Variants in DMD observed in about 807,000 individuals in gnomAD.
DMD encodes dystrophin, also known as mutant dystrophin.
In DMD, 63 loss-of-function variants were observed where a neutral mutation model predicts 330.1. The observed-to-expected ratio is 0.19, with a 90% CI of 0.16 to 0.24. The LOEUF is 0.24. Ranked by LOEUF, DMD falls within the 10% of genes least tolerant of loss-of-function variation. DMD has a pLI of 1.00. For synonymous variants in DMD, 1,223 were observed against 959.8 expected (o/e 1.27, Z -5.07); for missense variants, 3,344 against 2,684.1 (o/e 1.25, Z -5.43).
At chrX:33,298,745 A>G (rs185407309) in intron 1 of DMD, among the ~76,000 whole-genome samples, 1 of 112,016 alleles carries the variant, frequency 8.9e-6, no homozygotes, top group East Asian at 2.8e-4. Context: ...CAGGAAGATA[A>G]AGCAGCCAAC....
chrX:32,084,671 G>A (rs1239637184), intron 44 of DMD, among the ~76,000 whole-genome samples: 1 of 111,592 alleles, frequency 9.0e-6, no homozygotes, highest in Non-Finnish European at 1.9e-5. Context: ...TTCCACATAA[G>A]CATTGGATAC....
chrX:32,853,041 T>G (rs1299199465), intron 2 of DMD, among the ~76,000 whole-genome samples: 1 of 111,996 alleles, frequency 8.9e-6, no homozygotes, highest in African/African-American at 3.2e-5. Context: ...AGCAGAAAAC[T>G]TACAGGCTAA....
intron 2 of DMD, among the ~76,000 whole-genome samples, chrX:33,005,813 T>C (rs2147477543): frequency 9.0e-6 from 1 of 110,983 alleles, no homozygotes. Flanking sequence ...GAAATGAAGC[T>C]GTATTTCTTC....
chrX:31,793,473 T>C (rs1203508088), intron 50 of DMD, among the ~76,000 whole-genome samples: 1 of 111,512 alleles, frequency 9.0e-6, no homozygotes, highest in African/African-American at 3.3e-5. Flanking sequence ...CATCATAAAT[T>C]GAAAAACCCA....
intron 44 of DMD, among the ~76,000 whole-genome samples, chrX:32,181,019 AT>A (rs1263915710): frequency 8.9e-6 from 1 of 111,832 alleles, no homozygotes; most frequent in Admixed American, 9.5e-5. Context: ...TGTGTGCAAT[AT>A]TTTAGGAGTC....
chrX:32,396,458 A>C (rs890192715), intron 30 of DMD, among the ~76,000 whole-genome samples: 2 of 111,414 alleles, frequency 1.8e-5, no homozygotes, highest in Non-Finnish European at 3.8e-5. Flanking sequence ...TTATGCATTG[A>C]GTAGATTATG....
chrX:32,139,428 A>G (rs1365127247), intron 44 of DMD, among the ~76,000 whole-genome samples: 1 of 112,511 alleles, frequency 8.9e-6, no homozygotes, highest in African/African-American at 3.2e-5. Flanking sequence ...CATACTTGCT[A>G]TATAACACAG....
At chrX:32,055,970 T>C (rs981609286) in intron 44 of DMD, among the ~76,000 whole-genome samples, 2 of 111,432 alleles carry the variant, frequency 1.8e-5, no homozygotes, top group Non-Finnish European at 3.8e-5. Context: ...ATAAGAAAGT[T>C]AGATGTAATG....
At chrX:32,158,954 C>T (rs962163325) in intron 44 of DMD, among the ~76,000 whole-genome samples, 2 of 112,258 alleles carry the variant, frequency 1.8e-5, no homozygotes, top group Non-Finnish European at 3.8e-5. Context: ...CCCAAACTCC[C>T]ATCAACTCTT....
chrX:32,880,682 C>A (rs930323265), intron 2 of DMD, among the ~76,000 whole-genome samples: 1 of 112,767 alleles, frequency 8.9e-6, no homozygotes. Context: ...CAGTGGCTCA[C>A]GCCTGTAATC....
intron 7 of DMD, among the ~76,000 whole-genome samples, chrX:32,699,608 CA>C (rs756445215): frequency 2.7e-5 from 3 of 111,366 alleles, no homozygotes; most frequent in African/African-American, 6.5e-5. Flanking sequence ...AGATAAGAAA[CA>C]AAAATAAAAG....
intron 55 of DMD, among the ~76,000 whole-genome samples, chrX:31,598,428 G>T (rs990133377): frequency 9.0e-6 from 1 of 111,581 alleles, no homozygotes; most frequent in Non-Finnish European, 1.9e-5. Flanking sequence ...CTGGCTGTGT[G>T]TATATCTTTT....
chrX:32,386,770 T>C (rs2097961110), intron 32 of DMD, among the ~76,000 whole-genome samples: 1 of 110,553 alleles, frequency 9.0e-6, no homozygotes, highest in South Asian at 3.7e-4. Context: ...AACATAAATG[T>C]CAATTCTGAA....
chrX:32,668,797 C>T (rs937063861), intron 9 of DMD, among the ~76,000 whole-genome samples: 2 of 109,283 alleles, frequency 1.8e-5, no homozygotes, highest in Admixed American at 9.8e-5. Context: ...ACAGAGACTA[C>T]GGCATTGAAG....
chrX:31,427,360 C>A (rs2063774761), intron 60 of DMD, among the ~76,000 whole-genome samples: 1 of 111,521 alleles, frequency 9.0e-6, no homozygotes, highest in Non-Finnish European at 1.9e-5. Context: ...CTCTTCTGCA[C>A]ATTAATATCA....
intron 1 of DMD, among the ~76,000 whole-genome samples, chrX:33,127,447 T>G (rs1210007717): frequency 9.0e-6 from 1 of 111,264 alleles, no homozygotes; most frequent in Non-Finnish European, 1.9e-5. Flanking sequence ...CTGAGATATT[T>G]CAGATAATTA....
rs199903620 is a variant in DMD at position 33,079,892 on chromosome X, CTT to C, written c.32-59694_32-59693del. 5.2e-3 allele frequency among the ~76,000 whole-genome samples: 586 copies of C among 111,897 alleles called. 8 individuals are homozygous for C. The highest frequency in any genetic ancestry group is 0.018 in the African/African-American group (565 of 30,810). Reference sequence around the variant, plus strand: ...AGCATGAGGATAACTGAATTTGTCTCTTCTCTCTCCCCTTTTCCCCTGCCATT... The same window carrying C: ...AGCATGAGGATAACTGAATTTGTCTCCTCTCTCCCCTTTTCCCCTGCCATT... On this transcript the variant is annotated intron_variant, in intron 1 of 78. Coordinates refer to ENST00000357033, the MANE Select transcript of DMD (RefSeq NM_004006.3).
chrX:32,208,738 C>T (rs747776951), intron 44 of DMD, among the ~76,000 whole-genome samples: 1 of 112,076 alleles, frequency 8.9e-6, no homozygotes, highest in East Asian at 2.8e-4. Flanking sequence ...GCTCTGTATT[C>T]CTAGCAGCAA....
chrX:31,505,383 G>A (rs983281052), intron 56 of DMD, among the ~76,000 whole-genome samples: 4 of 111,310 alleles, frequency 3.6e-5, no homozygotes, highest in Non-Finnish European at 7.5e-5. Flanking sequence ...AAGCCAGGGT[G>A]CAAACTTGTG....
Sources: allele counts gnomAD v4.1 joint callset (sites outside exome capture counted in the v4.1 genomes callset), GRCh38; gene constraint gnomAD v4.1.1; transcripts MANE v1.5; gene names NCBI Gene and HGNC (gene_info 2026-07-23, HGNC 2026-07-21).